Variants in MAP2 observed in about 807,000 individuals in gnomAD.
The protein encoded by MAP2 is microtubule-associated protein 2.
In MAP2, 14 loss-of-function variants were observed where a neutral mutation model predicts 137.6. The observed-to-expected ratio is 0.10, with a 90% CI of 0.07 to 0.16. The LOEUF (loss-of-function observed/expected upper bound fraction) is 0.16. Among genes scored for constraint, MAP2 ranks in the 10% least tolerant of loss-of-function variants. The pLI, the probability that MAP2 is intolerant of heterozygous loss-of-function variation, is 1.00. For synonymous variants in MAP2, 786 were observed against 782.3 expected, an observed-to-expected ratio of 1.00 and a Z score of -0.08; for missense variants, 2,088 against 2,191.5, an observed-to-expected ratio of 0.95 and a Z score of 0.94.
intron 7 of MAP2, chr2:209,684,548 G>A (rs1210457681): frequency 1.3e-5 from 2 of 152,134 alleles, no homozygotes; most frequent in African/African-American, 4.8e-5. Flanking sequence ...CTAAGGCTGG[G>A]TTTTACATGG....
chr2:209,533,095 C>T (rs2065384602), intron 2 of MAP2, among the ~76,000 whole-genome samples: 1 of 151,804 alleles, frequency 6.6e-6, no homozygotes, highest in South Asian at 2.1e-4. Context: ...TCTCTACTGC[C>T]CCCATTTCCC....
At chr2:209,535,385 A>C (rs1323958817) in intron 2 of MAP2, among the ~76,000 whole-genome samples, 1 of 152,156 alleles carries the variant, frequency 6.6e-6, no homozygotes, top group Non-Finnish European at 1.5e-5. Context: ...TAGAATTATA[A>C]ATTTTGCACA....
At chr2:209,492,542 C>T (rs895762878) in intron 1 of MAP2, among the ~76,000 whole-genome samples, 1 of 152,038 alleles carries the variant, frequency 6.6e-6, no homozygotes, top group Non-Finnish European at 1.5e-5. Flanking sequence ...TAGAAAACAC[C>T]ATCGTCAGGC....
At chr2:209,586,533 C>A (rs1244312285) in intron 3 of MAP2, among the ~76,000 whole-genome samples, 1 of 152,116 alleles carries the variant, frequency 6.6e-6, no homozygotes, top group Non-Finnish European at 1.5e-5. Context: ...CCTTATGGAA[C>A]TTTCCTTCTA....
chr2:209,552,227 AC>A (rs2069335190), intron 2 of MAP2, among the ~76,000 whole-genome samples: 1 of 152,132 alleles, frequency 6.6e-6, no homozygotes. Context: ...AGCCTTTTAA[AC>A]TTTTTTTTTG....
intron 12 of MAP2, among the ~76,000 whole-genome samples, chr2:209,707,161 C>T (rs2153749537): frequency 6.6e-6 from 1 of 152,248 alleles, no homozygotes; most frequent in South Asian, 2.1e-4. Context: ...AGCAAAATGG[C>T]ACTTTCTCCA....
intron 1 of MAP2, among the ~76,000 whole-genome samples, chr2:209,461,576 C>A (rs554422103): frequency 6.0e-4 from 92 of 152,246 alleles, no homozygotes; most frequent in African/African-American, 2.1e-3. Context: ...CTGCCTCAGC[C>A]TCCTGAGTAG....
At chr2:209,645,139 T>G (rs757097966) in intron 4 of MAP2, among the ~76,000 whole-genome samples, 1 of 152,226 alleles carries the variant, frequency 6.6e-6, no homozygotes, top group Non-Finnish European at 1.5e-5. Context: ...TGCCACTTGC[T>G]CTAAAAAACA....
At chr2:209,439,733 C>T (rs142916596) in intron 1 of MAP2, among the ~76,000 whole-genome samples, 2,573 of 151,244 alleles carry the variant, frequency 0.017, 65 homozygotes, top group African/African-American at 0.059. Flanking sequence ...ATTTGAGAAC[C>T]GTTAGAAAGT....
At chr2:209,523,886 A>G (rs1431277132) in intron 2 of MAP2, among the ~76,000 whole-genome samples, 1 of 152,190 alleles carries the variant, frequency 6.6e-6, no homozygotes, top group African/African-American at 2.4e-5. Context: ...ATATACATAA[A>G]AAGGATGTTA....
chr2:209,592,384 C>T (rs1412385041), intron 3 of MAP2, among the ~76,000 whole-genome samples: 5 of 152,170 alleles, frequency 3.3e-5, no homozygotes, highest in Admixed American at 2.0e-4. Flanking sequence ...AGGCTATATT[C>T]GTGTCTCCCA....
intron 1 of MAP2, among the ~76,000 whole-genome samples, chr2:209,459,808 G>T (rs1204463260): frequency 6.6e-6 from 1 of 152,152 alleles, no homozygotes; most frequent in Non-Finnish European, 1.5e-5. Context: ...ATGCCTGCAG[G>T]ACTGTGCTGG....
chr2:209,632,114 G>A (rs2093124065), intron 4 of MAP2, among the ~76,000 whole-genome samples: 1 of 152,158 alleles, frequency 6.6e-6, no homozygotes, highest in Admixed American at 6.5e-5. Flanking sequence ...AGATTCTGAA[G>A]CAAAAGAAAA....
chr2:209,592,385 G>A (rs928101744), intron 3 of MAP2, among the ~76,000 whole-genome samples: 2 of 152,048 alleles, frequency 1.3e-5, no homozygotes, highest in African/African-American at 4.8e-5. Context: ...GGCTATATTC[G>A]TGTCTCCCAG....
intron 2 of MAP2, among the ~76,000 whole-genome samples, chr2:209,544,194 C>T (rs1212057313): frequency 6.6e-6 from 1 of 151,766 alleles, no homozygotes; most frequent in African/African-American, 2.4e-5. Flanking sequence ...GATCACACCA[C>T]TGCACTCCAG....
intron 3 of MAP2, among the ~76,000 whole-genome samples, chr2:209,623,757 GA>G (rs1226016524): frequency 4.7e-5 from 7 of 150,290 alleles, no homozygotes; most frequent in East Asian, 1.9e-4. Context: ...CTGGACTAAA[GA>G]AAAAAAAAGC....
At position 209,715,002 on chromosome 2, in the gene MAP2, T is replaced by C. The variant is rs555209810; in HGVS notation, c.5073+4748T>C. 2.6e-5 allele frequency among the ~76,000 whole-genome samples: 4 copies of C among 152,306 alleles called. No homozygotes were observed. In the East Asian group the frequency reaches 7.7e-4, roughly 29 times the overall value. ...CAAAGTTTTTTTTACCACGTCAGGATTGAAATTTGAAGCTTCTAAACTTTT... is the reference window on the plus strand; with the variant it reads ...CAAAGTTTTTTTTACCACGTCAGGACTGAAATTTGAAGCTTCTAAACTTTT... On this transcript the variant is annotated intron_variant, in intron 13 of 15. Transcript: ENST00000682079.
In MAP2 at chr2:209,562,463, G is replaced by A. The variant is rs185465853; in HGVS notation, c.-171-17573G>A. 5.0e-4 allele frequency among the ~76,000 whole-genome samples: 76 copies of A among 151,974 alleles called. 1 individual carries two copies. Among genetic ancestry groups the A allele is most frequent in the African/African-American group, 1.6e-3 (66 of 41,438 alleles). On this transcript the variant is annotated intron_variant, in intron 2 of 15. Transcript: ENST00000682079. ...TGTAATTCCAGATATTTGGGAGGCC[G>A]AGGAGAGTGGATCACTTAAAGTCAG... is the stretch of plus-strand genomic sequence containing the variant.
At chr2:209,523,121 T>C (rs981721728) in intron 2 of MAP2, among the ~76,000 whole-genome samples, 15 of 152,170 alleles carry the variant, frequency 9.9e-5, no homozygotes, top group Non-Finnish European at 4.4e-5. Context: ...TTTTTTTCTG[T>C]TAGGAGTGAA....
Sources: allele counts gnomAD v4.1 joint callset (sites outside exome capture counted in the v4.1 genomes callset), GRCh38; gene constraint gnomAD v4.1.1; transcripts MANE v1.5; gene names NCBI Gene and HGNC (gene_info 2026-07-23, HGNC 2026-07-21).